The following DNAJC1 variants were observed in gnomAD, a reference collection of about 807,000 sequenced individuals.
DNAJC1 encodes the protein dnaJ homolog subfamily C member 1.
A neutral mutation model predicts 76.6 loss-of-function variants in DNAJC1; 58 were observed. The ratio of observed to expected loss-of-function variants is 0.76; its 90% CI spans 0.61 to 0.94. The LOEUF is 0.94. Ranked by LOEUF, DNAJC1 falls within the 40% of genes least tolerant of loss-of-function variation. The pLI, the probability that DNAJC1 is intolerant of heterozygous loss-of-function variation, is 0.00. For synonymous variants in DNAJC1, 258 were observed against 267.9 expected (o/e 0.96, Z 0.36); for missense variants, 689 against 677.3 (o/e 1.02, Z -0.19).
intron 1 of DNAJC1, among the ~76,000 whole-genome samples, chr10:21,969,223 CAAAA>C (rs561143181): frequency 4.6e-5 from 4 of 87,060 alleles, no homozygotes; most frequent in Admixed American, 1.2e-4. Flanking sequence ...GACTCCATTT[CAAAA>C]AAAAAAAAAA....
At chr10:21,971,785 A>G (rs1051432393) in intron 1 of DNAJC1, among the ~76,000 whole-genome samples, 1 of 151,936 alleles carries the variant, frequency 6.6e-6, no homozygotes, top group Non-Finnish European at 1.5e-5. Context: ...AGATAACTAA[A>G]TCATTTTCTA....
At chr10:21,940,447 T>C (rs1277371651) in intron 1 of DNAJC1, among the ~76,000 whole-genome samples, 1 of 152,204 alleles carries the variant, frequency 6.6e-6, no homozygotes, top group African/African-American at 2.4e-5. Context: ...ATAAGGTTAA[T>C]CTATACCAAA....
intron 7 of DNAJC1, among the ~76,000 whole-genome samples, chr10:21,901,214 T>C (rs1259150849): frequency 2.6e-5 from 4 of 152,214 alleles, no homozygotes. Context: ...AATTCTGGTT[T>C]TGTTTTAAAA....
At chr10:21,806,325 G>A (rs981649139) in intron 8 of DNAJC1, among the ~76,000 whole-genome samples, 3 of 152,020 alleles carry the variant, frequency 2.0e-5, no homozygotes, top group East Asian at 1.9e-4. Flanking sequence ...CATTTCCTAC[G>A]TATACTAACT....
chr10:21,985,207 G>A (rs542483272), intron 1 of DNAJC1, among the ~76,000 whole-genome samples: 6 of 149,790 alleles, frequency 4.0e-5, no homozygotes, highest in South Asian at 2.1e-4. Flanking sequence ...TCTCCCATCC[G>A]TGTGCAATCA....
intron 8 of DNAJC1, among the ~76,000 whole-genome samples, chr10:21,813,893 A>T (rs1165616486): frequency 1.3e-5 from 2 of 152,176 alleles, no homozygotes; most frequent in Non-Finnish European, 2.9e-5. Flanking sequence ...AAAAATGCTG[A>T]TACTCTAGCT....
intron 8 of DNAJC1, among the ~76,000 whole-genome samples, chr10:21,872,358 C>A (rs944312100): frequency 6.6e-6 from 1 of 152,122 alleles, no homozygotes; most frequent in Non-Finnish European, 1.5e-5. Flanking sequence ...GCGTGAGCCA[C>A]CGTGCCAGGC....
At chr10:21,832,162 T>G (rs1835367978) in intron 8 of DNAJC1, among the ~76,000 whole-genome samples, 2 of 152,342 alleles carry the variant, frequency 1.3e-5, no homozygotes, top group South Asian at 4.1e-4. Flanking sequence ...TCATAACTGC[T>G]GACGTTTTGC....
At chr10:21,852,065 A>G in intron 8 of DNAJC1, among the ~76,000 whole-genome samples, 1 of 139,188 alleles carries the variant, frequency 7.2e-6, no homozygotes, top group East Asian at 2.1e-4. Flanking sequence ...AAAAAATAAA[A>G]AATAAAAAAA....
intron 8 of DNAJC1, among the ~76,000 whole-genome samples, chr10:21,853,965 T>G (rs532453756): frequency 6.6e-6 from 1 of 152,024 alleles, no homozygotes; most frequent in Admixed American, 6.6e-5. Flanking sequence ...GGAAATAAGA[T>G]TGTCCTTTGA....
chr10:21,779,761 T>A (rs929442912), intron 9 of DNAJC1, among the ~76,000 whole-genome samples: 3 of 151,940 alleles, frequency 2.0e-5, no homozygotes, highest in African/African-American at 7.3e-5. Context: ...CTTTGATGAG[T>A]TGAGAGAAGA....
intron 7 of DNAJC1, among the ~76,000 whole-genome samples, chr10:21,884,913 T>A: frequency 6.6e-6 from 1 of 152,056 alleles, no homozygotes; most frequent in Non-Finnish European, 1.5e-5. Context: ...TATAAGCTAA[T>A]ACAAAAATAC....
chr10:21,759,709 C>G, intron 10 of DNAJC1, 91 bp from the exon 11 acceptor site: 1 of 1,215,330 alleles, frequency 8.2e-7, no homozygotes, highest in Non-Finnish European at 1.2e-6. Context: ...GAGCAGGCAG[C>G]GCACTAGGCA....
rs144013512 is a variant in DNAJC1 at position 21,903,128 on chromosome 10, T to A, written c.820+1394A>T. On this transcript the variant is annotated intron_variant, in intron 7 of 11. Coordinates refer to ENST00000376980, the MANE Select transcript of DNAJC1 (RefSeq NM_022365.4). ...TTTTAGTAGAGACGGGGTTTTTATGTTGGCTAGGCTGGTCTCCTGACCTCA... is the reference window on the plus strand; with the variant it reads ...TTTTAGTAGAGACGGGGTTTTTATGATGGCTAGGCTGGTCTCCTGACCTCA... Among the ~76,000 whole-genome samples the A allele has an allele frequency of 2.9e-3, 439 of 152,122 alleles. 2 individuals carry two copies. The highest frequency in any genetic ancestry group is 0.01 in the Middle Eastern group (3 of 294).
At chr10:21,771,183 G>GT (rs569804503) in intron 9 of DNAJC1, among the ~76,000 whole-genome samples, 21 of 151,846 alleles carry the variant, frequency 1.4e-4, no homozygotes, top group Admixed American at 6.6e-4. Context: ...TAGTTCCAAT[G>GT]TTTTTTTTAG....
chr10:21,819,626 G>A (rs958076783), intron 8 of DNAJC1, among the ~76,000 whole-genome samples: 1 of 151,862 alleles, frequency 6.6e-6, no homozygotes, highest in Non-Finnish European at 1.5e-5. Flanking sequence ...TTTTTTTATT[G>A]AGATCTAATT....
rs369587800 is a variant in DNAJC1, at chr10:21,904,615, T to C, written c.730-3A>G. On this transcript the variant is annotated splice_polypyrimidine_tract_variant and splice_region_variant and intron_variant, in intron 6 of 11. Coordinates refer to ENST00000376980, the MANE Select transcript of DNAJC1 (RefSeq NM_022365.4). ...TTAGCATAAAACTGCCCAGCATCCT[T>C]AAGAAAAAAAGTTATACATAAATTA... 6.3e-7 allele frequency: 1 copy of C among 1,576,370 alleles called. No homozygotes were observed. Among genetic ancestry groups the C allele is most frequent in the African/African-American group, 1.4e-5 (1 of 73,756 alleles).
chr10:21,995,169 C>T (rs1838395757), intron 1 of DNAJC1, among the ~76,000 whole-genome samples: 1 of 151,972 alleles, frequency 6.6e-6, no homozygotes, highest in South Asian at 2.1e-4. Flanking sequence ...GAATAGATTC[C>T]TTAACCTGAC....
At chr10:22,003,038 G>A (rs1319212486) in intron 1 of DNAJC1, among the ~76,000 whole-genome samples, 175 bp downstream of exon 1, 1 of 152,122 alleles carries the variant, frequency 6.6e-6, no homozygotes, top group Non-Finnish European at 1.5e-5. Context: ...GTAAAGATCT[G>A]GGGAAGACGG....
Sources: allele counts gnomAD v4.1 joint callset (sites outside exome capture counted in the v4.1 genomes callset), GRCh38; gene constraint gnomAD v4.1.1; transcripts MANE v1.5; gene names NCBI Gene and HGNC (gene_info 2026-07-23, HGNC 2026-07-21).